MTCH2: variants seen among roughly 807,000 people sequenced by gnomAD.
MTCH2 encodes the protein mitochondrial carrier 2.
A neutral mutation model predicts 50.6 loss-of-function variants in MTCH2; 25 were observed. That is an observed-to-expected ratio of 0.49 (90% CI 0.36 to 0.69). The LOEUF (loss-of-function observed/expected upper bound fraction) is 0.69. Ranked by LOEUF, MTCH2 falls within the 30% of genes least tolerant of loss-of-function variation. The pLI, the probability that MTCH2 is intolerant of heterozygous loss-of-function variation, is 0.00. For missense variants in MTCH2, 273 were observed against 384.4 expected, an observed-to-expected ratio of 0.71 and a Z score of 2.42; for synonymous variants, 106 against 132.0, an observed-to-expected ratio of 0.80 and a Z score of 1.35.
intron 6 of MTCH2, among the ~76,000 whole-genome samples, chr11:47,631,422 C>A (rs566199579): frequency 2.0e-5 from 3 of 151,428 alleles, no homozygotes; most frequent in South Asian, 4.2e-4. Context: ...AAACAAAAAA[C>A]AAACAAACAA....
the MTCH2 span, among the ~76,000 whole-genome samples, chr11:47,609,421 G>T: frequency 2.2e-5 from 3 of 138,966 alleles, no homozygotes; most frequent in African/African-American, 8.1e-5. Flanking sequence ...TTGTGCCACT[G>T]CACTCCAGCC....
chr11:47,629,050 C>T lies in MTCH2; in HGVS notation c.540-4G>A. ...TAGAAGGCGAGGAACAAGACCCCTA[C>T]ATGAAGAAACAATAAAAATAAGAAC... On this transcript the variant is annotated splice_polypyrimidine_tract_variant and splice_region_variant and intron_variant, in intron 8 of 12. Transcript: ENST00000302503. 1.2e-6 allele frequency: 2 copies of T among 1,610,066 alleles called. No homozygotes were observed. Among genetic ancestry groups the T allele is most frequent in the Non-Finnish European group, 1.7e-6 (2 of 1,177,580 alleles).
chr11:47,610,236 T>G, the MTCH2 span, among the ~76,000 whole-genome samples: 2 of 152,202 alleles, frequency 1.3e-5, no homozygotes, highest in Admixed American at 1.3e-4. Flanking sequence ...GAAGAAAGGT[T>G]AGGACAGTAA....
Position 47,642,442 on chromosome 11 carries a change from C to A in MTCH2, c.24G>T (p.Val8=). ...GGATGGTGAGACCGGAGCCCAGGAG[C>A]ACCTGACTGGCCGCGTCCGCCATGA... MADAASQ[V]LLGSGLTILS... is the part of the protein sequence containing the mutation. The change falls in exon 1 of 13, where the codon GTG becomes GTT. Residue 8 remains valine, a synonymous_variant. Coordinates refer to ENST00000302503, the MANE Select transcript of MTCH2 (RefSeq NM_014342.4). 1 of 1,604,182 alleles carries A rather than the reference C, an allele frequency of 6.2e-7. No individual in the cohort carries two copies. Among genetic ancestry groups the A allele is most frequent in the Non-Finnish European group, 8.5e-7 (1 of 1,176,270 alleles).
chr11:47,626,695 C>T (rs1300520908), intron 10 of MTCH2, among the ~76,000 whole-genome samples: 1 of 151,960 alleles, frequency 6.6e-6, no homozygotes, highest in Admixed American at 6.6e-5. Flanking sequence ...TCACTGCAGC[C>T]TCCATCTCCC....
rs73465700 is a variant in MTCH2, at chr11:47,642,340, G to A, written c.87+39C>T. On this transcript the variant is annotated intron_variant, in intron 1 of 12. Coordinates refer to ENST00000302503, the MANE Select transcript of MTCH2 (RefSeq NM_014342.4). ...GCGCCCTGAGCAGCAGCGACCGAAC[G>A]GGGCGCCGGGCGGGGTAGGGAGCGG... 6.1e-3 allele frequency: 8,764 copies of A among 1,440,262 alleles called. 125 individuals are homozygous for A. In the African/African-American group the frequency reaches 0.065, roughly 11 times the overall value. The allele number at this position is 1,440,262 out of a possible 1,614,324, so 89.2% of individuals were successfully genotyped here.
At chr11:47,607,669 G>A in the MTCH2 span, among the ~76,000 whole-genome samples, 1 of 152,180 alleles carries the variant, frequency 6.6e-6, no homozygotes, top group African/African-American at 2.4e-5. Flanking sequence ...GGAATCACAA[G>A]CTCTAAGAAG....
At chr11:47,626,737 C>T (rs1303859116) in intron 10 of MTCH2, among the ~76,000 whole-genome samples, 4 of 151,954 alleles carry the variant, frequency 2.6e-5, no homozygotes, top group South Asian at 4.2e-4. Context: ...CTCAGCCTCC[C>T]GAGTAGCTGG....
In MTCH2 at chr11:47,618,327, G is replaced by A. The variant is rs980728195; in HGVS notation, c.*506C>T. On this transcript the variant is annotated 3_prime_UTR_variant, in exon 13 of 13. Transcript: ENST00000302503. ...ACTGTCCTTTTCTTGAAGTATGAGA[G>A]ACAAGGTCAATGAAATGTGCTTAGA... The A allele has an allele frequency of 6.5e-5, 12 of 184,390 alleles. No homozygotes were observed. Among genetic ancestry groups the A allele is most frequent in the African/African-American group, 2.9e-4 (12 of 41,586 alleles). The allele number at this position is 184,390 out of a possible 1,614,324, so 11.4% of individuals were successfully genotyped here.
chr11:47,622,452 T>C (rs1243589531), intron 12 of MTCH2, among the ~76,000 whole-genome samples: 1 of 152,208 alleles, frequency 6.6e-6, no homozygotes, highest in Non-Finnish European at 1.5e-5. Flanking sequence ...CTCAAATGGC[T>C]TCTAGGTCTC....
chr11:47,631,752 G>A (rs766222261), intron 5 of MTCH2, 41 bp from the exon 6 acceptor site: 16 of 1,606,172 alleles, frequency 1.0e-5, no homozygotes, highest in Non-Finnish European at 1.3e-5. Flanking sequence ...CTAAACAAAT[G>A]ACACTCAAAT....
chr11:47,609,286 C>G, the MTCH2 span, among the ~76,000 whole-genome samples: 1 of 151,204 alleles, frequency 6.6e-6, no homozygotes, highest in African/African-American at 2.4e-5. Flanking sequence ...AAAACCCCGT[C>G]TCTACTAAAA....
chr11:47,630,753 C>G (rs1408631822), intron 7 of MTCH2, 139 bp from the exon 8 acceptor site: 1 of 803,970 alleles, frequency 1.2e-6, no homozygotes, highest in African/African-American at 1.7e-5. Context: ...TCTCACTCTG[C>G]AAAGATAGCT....
In MTCH2 at chr11:47,635,554, G is replaced by A. The variant is rs2097307740; in HGVS notation, c.297C>T (p.Asp99=). Reference sequence around the variant, plus strand: ...ATCAGCTCCAACATACCTCACCCTTGTCACTCTCCTGGTAATGCTATAGAA... The same window carrying A: ...ATCAGCTCCAACATACCTCACCCTTATCACTCTCCTGGTAATGCTATAGAA... The part of the protein sequence containing the change: ...GKVLQHYQES[D]KGEELGPGNV... Residue 99 remains aspartate (D), a synonymous_variant, in exon 4 of 13, where the codon GAC becomes GAT. Coordinates refer to ENST00000302503, the MANE Select transcript of MTCH2 (RefSeq NM_014342.4). 3.7e-6 allele frequency: 6 copies of A among 1,613,326 alleles called. No homozygotes were observed. Among genetic ancestry groups the A allele is most frequent in the African/African-American group, 1.3e-5 (1 of 74,842 alleles).
At chr11:47,631,169 G>A in intron 6 of MTCH2, 82 bp from the exon 7 acceptor site, 2 of 1,174,552 alleles carry the variant, frequency 1.7e-6, no homozygotes, top group East Asian at 2.4e-5. Flanking sequence ...AGCACTTTGA[G>A]AGGCCGAGGT....
At chr11:47,607,423 C>T in the MTCH2 span, among the ~76,000 whole-genome samples, 1 of 152,166 alleles carries the variant, frequency 6.6e-6, no homozygotes, top group Non-Finnish European at 1.5e-5. Context: ...CACTAGAAAA[C>T]AGTCCAGCTC....
rs1378774715 is a variant in MTCH2 at position 47,633,526 on chromosome 11, A to ATAT, written c.369+1145_369+1146insATA. On this transcript the variant is annotated intron_variant, in intron 5 of 12. Transcript: ENST00000302503. ...TTGGAATATATATATATATATATAT[A>ATAT]TTTTTTTTTTTTTTTTTTTTTTTTC... 1.4e-4 allele frequency among the ~76,000 whole-genome samples: 5 copies of ATAT among 35,076 alleles called. 1 individual carries two copies. The highest frequency in any genetic ancestry group is 4.1e-4 in the African/African-American group (5 of 12,096). 23.0% of individuals were successfully genotyped at this position (35,076 alleles called of 152,430 possible).
chr11:47,630,626 A>G lies in MTCH2; in HGVS notation c.480-12T>C. 1 of 1,599,552 alleles carries G rather than the reference A, an allele frequency of 6.3e-7. No individual in the cohort carries two copies. Among genetic ancestry groups the G allele is most frequent in the Non-Finnish European group, 8.6e-7 (1 of 1,167,498 alleles). On this transcript the variant is annotated splice_polypyrimidine_tract_variant and intron_variant, in intron 7 of 12. Coordinates refer to ENST00000302503, the MANE Select transcript of MTCH2 (RefSeq NM_014342.4). ...AATCACAAAGTCCACTACGTACACA[A>G]GAAGAAAAGGTAAAATATATTAAGA...
At chr11:47,641,389 C>G (rs528328218) in intron 1 of MTCH2, among the ~76,000 whole-genome samples, 1 of 152,206 alleles carries the variant, frequency 6.6e-6, no homozygotes, top group South Asian at 2.1e-4. Flanking sequence ...TTTGGATTCC[C>G]AACAACTCAA....
Sources: allele counts gnomAD v4.1 joint callset (sites outside exome capture counted in the v4.1 genomes callset), GRCh38; gene constraint gnomAD v4.1.1; transcripts MANE v1.5; gene names NCBI Gene and HGNC (gene_info 2026-07-23, HGNC 2026-07-21).